The following KANSL3 variants were observed in gnomAD, a reference collection of about 807,000 sequenced individuals.
KANSL3 encodes the protein KAT8 regulatory NSL complex subunit 3.
Under a neutral mutation model 89.2 loss-of-function variants are expected in KANSL3, and 16 were observed. The ratio of observed to expected loss-of-function variants is 0.18; its 90% CI spans 0.12 to 0.27. The LOEUF (loss-of-function observed/expected upper bound fraction) is 0.27. KANSL3 is among the 10% of genes least tolerant of loss of function. The pLI is 1.00. For missense variants in KANSL3, 879 were observed against 1,110.6 expected (o/e 0.79, Z 2.96); for synonymous variants, 385 against 419.7 (o/e 0.92, Z 1.01).
intron 3 of KANSL3, among the ~76,000 whole-genome samples, chr2:96,620,889 C>G (rs2071140855): frequency 6.6e-6 from 1 of 152,094 alleles, no homozygotes; most frequent in African/African-American, 2.4e-5. Context: ...GTAGCCCCAG[C>G]TACTCGGGAG....
Position 96,604,313 on chromosome 2 carries a change from G to A in KANSL3, c.2086C>T (p.Pro696Ser), listed in dbSNP as rs777816190. 5 of 1,613,116 alleles carry A rather than the reference G, an allele frequency of 3.1e-6. No homozygotes were observed. In the African/African-American group the frequency reaches 6.7e-5, roughly 22 times the overall value. The change falls in exon 17 of 21, where the codon CCC becomes TCC. Residue 696 changes from proline to serine, a missense_variant. Transcript: ENST00000431828. ...CTCTGCAGTGTGTGCAAGGCACTGG[G>A]TGCAGTGCTGCTGGAGACCACTGAA... The part of the protein sequence containing the change: ...VPSVVSSSTA[P>S]SALHTLQSRL...
downstream of KANSL3, among the ~76,000 whole-genome samples, chr2:96,592,317 C>G (rs2066290485): frequency 6.6e-6 from 1 of 152,150 alleles, no homozygotes; most frequent in Non-Finnish European, 1.5e-5. Flanking sequence ...TACAAGTTAA[C>G]AAATAATCTA....
In KANSL3 at chr2:96,631,335, C is replaced by T. The variant is rs374833301; in HGVS notation, c.363G>A (p.Glu121=). Residue 121 remains glutamate (E), a synonymous_variant, in exon 3 of 21, where the codon GAG becomes GAA. Coordinates refer to ENST00000431828, the MANE Select transcript of KANSL3 (RefSeq NM_001115016.3). The part of the protein sequence containing the change: ...RTDADAPPPP[E]DWEEHVNRTG... ...ACCTGTTGACATGCTCCTCCCAGTC[C>T]TCTGGTGGAGGAGGGGCATCTGCAT... 2 of 1,613,172 alleles carry T rather than the reference C, an allele frequency of 1.2e-6. No individual in the cohort carries two copies. Among genetic ancestry groups the T allele is most frequent in the African/African-American group, 2.7e-5 (2 of 74,896 alleles).
Position 96,602,766 on chromosome 2 carries a change from C to A in KANSL3, c.2246G>T (p.Gly749Val). Residue 749 changes from glycine to valine, a missense_variant, in exon 18 of 21, where the codon GGA becomes GTA. Physicochemically the swap from Gly to Val is moderately radical, Grantham distance 109 (BLOSUM62 -3). Transcript: ENST00000431828. Reference sequence around the variant, plus strand: ...GCAGATGTGCACCTGTGGGGCTGGTCCTGGGGAGGGATTTGCTGGAAGGCC... The same window carrying A: ...GCAGATGTGCACCTGTGGGGCTGGTACTGGGGAGGGATTTGCTGGAAGGCC... The part of the protein sequence containing the change: ...TSGLPANPSP[G>V]PAPQATSVKL... 1 of 1,601,058 alleles carries A rather than the reference C, an allele frequency of 6.2e-7. No homozygotes were observed. Among genetic ancestry groups the A allele is most frequent in the Non-Finnish European group, 8.5e-7 (1 of 1,173,436 alleles).
At chr2:96,635,240 C>G (rs2074080774) in intron 2 of KANSL3, among the ~76,000 whole-genome samples, 1 of 152,192 alleles carries the variant, frequency 6.6e-6, no homozygotes, top group Middle Eastern at 3.2e-3. Context: ...CTCTTAGAAT[C>G]AAATTCCTTC....
intron 16 of KANSL3, 39 bp downstream of exon 16, chr2:96,604,739 GA>G: frequency 6.0e-6 from 9 of 1,511,796 alleles, no homozygotes; most frequent in South Asian, 4.8e-5. Context: ...AGAGGGAAGG[GA>G]AAAAAGGAAT....
chr2:96,600,310 T>C (rs1427323225), intron 20 of KANSL3: 1 of 474,684 alleles, frequency 2.1e-6, no homozygotes, highest in Non-Finnish European at 2.8e-6. Context: ...TCTCTAGGAG[T>C]AGCATCATGG....
intron 14 of KANSL3, chr2:96,606,792 A>G: frequency 2.0e-5 from 6 of 297,766 alleles, no homozygotes; most frequent in East Asian, 1.1e-4. Context: ...GAATGGAAAA[A>G]GGGCAAAGAC....
At chr2:96,601,604 A>T in intron 20 of KANSL3, 39 bp downstream of exon 20, 1 of 1,602,274 alleles carries the variant, frequency 6.2e-7, no homozygotes, top group East Asian at 2.2e-5. Context: ...ACTTCCCAAT[A>T]ATGAAGCCCA....
chr2:96,583,274 A>G, the KANSL3 span, among the ~76,000 whole-genome samples: 116,988 of 152,154 alleles, frequency 0.77, 46,194 homozygotes, highest in African/African-American at 0.94. Context: ...TTACATGTGC[A>G]TGGAATGGTC....
chr2:96,621,192 A>C (rs756591742), intron 3 of KANSL3, among the ~76,000 whole-genome samples: 1 of 152,096 alleles, frequency 6.6e-6, no homozygotes, highest in Non-Finnish European at 1.5e-5. Flanking sequence ...TGGAAGAAAA[A>C]GAAGACATAA....
intron 11 of KANSL3, 27 bp from the exon 12 acceptor site, chr2:96,609,589 T>G: frequency 6.3e-7 from 1 of 1,577,950 alleles, no homozygotes; most frequent in South Asian, 1.1e-5. Context: ...ATGACATGTT[T>G]ACTTCTTACA....
chr2:96,601,945 TG>T, intron 19 of KANSL3, 169 bp from the exon 20 acceptor site: 1 of 1,241,528 alleles, frequency 8.1e-7, no homozygotes, highest in South Asian at 1.6e-5. Context: ...GGAAACAGCC[TG>T]TGTTCTCTCA....
chr2:96,586,633 A>T, the KANSL3 span, among the ~76,000 whole-genome samples: 2 of 152,182 alleles, frequency 1.3e-5, no homozygotes, highest in Non-Finnish European at 2.9e-5. Context: ...TGAAAAAGAA[A>T]ATTGAGAGAC....
At chr2:96,600,634 T>A (rs1267635929) in intron 20 of KANSL3, 1 of 985,428 alleles carries the variant, frequency 1.0e-6, no homozygotes, top group Non-Finnish European at 1.2e-6. Context: ...TAGCGGATAC[T>A]GAAGGAAAGC....
chr2:96,586,278 G>A, the KANSL3 span, among the ~76,000 whole-genome samples: 1 of 151,786 alleles, frequency 6.6e-6, no homozygotes, highest in East Asian at 1.9e-4. Flanking sequence ...GGGTAAGGGT[G>A]GGGGTGATTA....
chr2:96,608,972 C>T lies in KANSL3; in HGVS notation c.1476G>A (p.Lys492=). 6.4e-7 allele frequency: 1 copy of T among 1,562,718 alleles called. No individual in the cohort carries two copies. Among genetic ancestry groups the T allele is most frequent in the Non-Finnish European group, 8.7e-7 (1 of 1,153,288 alleles). ...CTCTGCGGGCCACATCGCGGGGCTT[C>T]TTCTTCTTCTCAGCATCCTGATCCC... ...EPRDQDAEKK[K]KPRDVARRDL... is the part of the protein sequence containing the mutation. The change falls in exon 13 of 21, where the codon AAG becomes AAA. Residue 492 remains lysine, a synonymous_variant. Transcript: ENST00000431828.
chr2:96,610,634 AC>A (rs766788289), intron 11 of KANSL3, 91 bp downstream of exon 11: 71 of 1,466,818 alleles, frequency 4.8e-5, no homozygotes, highest in Non-Finnish European at 6.3e-5. Context: ...TTTTAACTGA[AC>A]CAGACTGGTC....
chr2:96,590,567 G>A (rs1292477990), downstream of KANSL3, among the ~76,000 whole-genome samples: 1 of 152,044 alleles, frequency 6.6e-6, no homozygotes, highest in East Asian at 1.9e-4. Context: ...GGGATTACAG[G>A]TGTGAGCCAT....
Sources: allele counts gnomAD v4.1 joint callset (sites outside exome capture counted in the v4.1 genomes callset), GRCh38; gene constraint gnomAD v4.1.1; transcripts MANE v1.5; gene names NCBI Gene and HGNC (gene_info 2026-07-23, HGNC 2026-07-21).